The following PCBP3 variants were observed in gnomAD, a reference collection of about 807,000 sequenced individuals.
PCBP3 encodes the protein poly(rC)-binding protein 3.
Under a neutral mutation model 52.7 loss-of-function variants are expected in PCBP3, and 25 were observed. That is an observed-to-expected ratio of 0.47 (90% confidence interval 0.35 to 0.66). The LOEUF is 0.66. PCBP3 is among the 30% of genes least tolerant of loss of function. The probability of loss-of-function intolerance (pLI) is 0.01; values close to 1 mark genes in which losing one functional copy is unlikely to be tolerated. For missense variants in PCBP3, 391 were observed against 490.3 expected (o/e 0.80, Z 1.91); for synonymous variants, 162 against 183.0 (o/e 0.89, Z 0.93).
At chr21:45,722,935 A>AC (rs998496397) in intron 2 of PCBP3, among the ~76,000 whole-genome samples, 2 of 151,418 alleles carry the variant, frequency 1.3e-5, no homozygotes, top group Admixed American at 6.6e-5. Context: ...AATCACTTGA[A>AC]CCCGGGAGGT....
At chr21:45,710,480 T>A (rs536237472) in intron 2 of PCBP3, among the ~76,000 whole-genome samples, 1 of 152,338 alleles carries the variant, frequency 6.6e-6, no homozygotes, top group African/African-American at 2.4e-5. Flanking sequence ...AGAAAGGACA[T>A]GAACTCATCA....
chr21:45,675,815 A>G (rs576194233), intron 2 of PCBP3, among the ~76,000 whole-genome samples: 1 of 152,358 alleles, frequency 6.6e-6, no homozygotes, highest in Admixed American at 6.5e-5. Flanking sequence ...AAGCAATGGC[A>G]GGTGCTTTGA....
At chr21:45,899,575 T>C in intron 6 of PCBP3, 24 bp from the exon 7 acceptor site, 1 of 1,601,940 alleles carries the variant, frequency 6.2e-7, no homozygotes, top group Non-Finnish European at 8.6e-7. Flanking sequence ...ACATCATCTT[T>C]CTGTGATTTT....
chr21:45,753,989 G>A (rs1255809320), intron 3 of PCBP3, among the ~76,000 whole-genome samples: 3 of 151,982 alleles, frequency 2.0e-5, no homozygotes, highest in South Asian at 2.1e-4. Context: ...AAAATGCATC[G>A]TGGTGAGAAT....
chr21:45,715,403 A>G (rs901640257), intron 2 of PCBP3, among the ~76,000 whole-genome samples: 2 of 152,240 alleles, frequency 1.3e-5, no homozygotes, highest in East Asian at 3.8e-4. Flanking sequence ...ATTAAAGCGT[A>G]CAAGTGAGTA....
chr21:45,803,231 CA>C (rs1346015733), intron 4 of PCBP3, among the ~76,000 whole-genome samples: 4 of 152,324 alleles, frequency 2.6e-5, no homozygotes, highest in East Asian at 3.9e-4. Flanking sequence ...GGGTAGTGGC[CA>C]TGCAAGGGTA....
At position 45,935,288 on chromosome 21, in the gene PCBP3, C is replaced by T; in HGVS notation, c.892C>T (p.Leu298Phe). 3.1e-6 allele frequency: 5 copies of T among 1,612,988 alleles called. No homozygotes were observed. The highest frequency in any genetic ancestry group is 1.3e-5 in the African/African-American group (1 of 75,014). Residue 298 changes from leucine to phenylalanine, a missense_variant, in exon 16 of 18, where the codon CTC becomes TTC. Coordinates refer to ENST00000681687, the MANE Select transcript of PCBP3 (RefSeq NM_001384156.1). ...CAGCCCACCGGCCAGCACTCATGAG[C>T]TCACCATTCCCAATGATGTGAGTAT... The part of the protein sequence containing the change: ...DASPPASTHE[L>F]TIPNDLIGCI...
chr21:45,747,104 T>G (rs530312717), intron 3 of PCBP3, among the ~76,000 whole-genome samples: 1 of 152,200 alleles, frequency 6.6e-6, no homozygotes, highest in African/African-American at 2.4e-5. Flanking sequence ...CAGTTCCACA[T>G]GGCTGGGGAG....
chr21:45,661,369 AT>A (rs2080379536), intron 1 of PCBP3, among the ~76,000 whole-genome samples: 1 of 151,980 alleles, frequency 6.6e-6, no homozygotes, highest in African/African-American at 2.4e-5. Context: ...ATGTGTATAT[AT>A]TACTTAGCTC....
At chr21:45,705,399 C>T (rs1295252069) in intron 2 of PCBP3, among the ~76,000 whole-genome samples, 1 of 152,230 alleles carries the variant, frequency 6.6e-6, no homozygotes, top group Non-Finnish European at 1.5e-5. Context: ...GACACCAGGG[C>T]TGGGACAAGC....
At chr21:45,782,905 G>A (rs2090752142) in intron 4 of PCBP3, among the ~76,000 whole-genome samples, 1 of 152,236 alleles carries the variant, frequency 6.6e-6, no homozygotes, top group South Asian at 2.1e-4. Flanking sequence ...TCGCTGAGTG[G>A]AACTGCTGTG....
chr21:45,884,370 CTTTT>C (rs924516679), intron 5 of PCBP3, among the ~76,000 whole-genome samples: 1 of 151,830 alleles, frequency 6.6e-6, no homozygotes, highest in African/African-American at 2.4e-5. Flanking sequence ...GTATGGCTTT[CTTTT>C]TTAGTGCTTG....
At chr21:45,792,362 G>C (rs1203978896) in intron 4 of PCBP3, among the ~76,000 whole-genome samples, 1 of 152,268 alleles carries the variant, frequency 6.6e-6, no homozygotes, top group Non-Finnish European at 1.5e-5. Context: ...GCGTCTGGCA[G>C]TGATGAAGGT....
At chr21:45,758,782 T>G (rs1431291844) in intron 4 of PCBP3, among the ~76,000 whole-genome samples, 1 of 152,126 alleles carries the variant, frequency 6.6e-6, no homozygotes, top group Admixed American at 6.5e-5. Flanking sequence ...GGATGTTGAT[T>G]AGAGATGGTG....
intron 3 of PCBP3, among the ~76,000 whole-genome samples, chr21:45,745,512 C>T (rs549349418): frequency 6.6e-6 from 1 of 152,290 alleles, no homozygotes; most frequent in African/African-American, 2.4e-5. Context: ...GGAAGGAACC[C>T]AGATGCACCT....
chr21:45,764,431 A>G (rs952727317), intron 4 of PCBP3, among the ~76,000 whole-genome samples: 10 of 152,204 alleles, frequency 6.6e-5, no homozygotes, highest in Non-Finnish European at 1.5e-4. Context: ...CAGTAATACA[A>G]AGTTTCTTGA....
Position 45,901,717 on chromosome 21 carries a change from G to GAGAT in PCBP3, c.339+607_339+608insTAGA, listed in dbSNP as rs56827471. On this transcript the variant is annotated intron_variant, in intron 9 of 17. Coordinates refer to ENST00000681687, the MANE Select transcript of PCBP3 (RefSeq NM_001384156.1). The stretch of plus-strand genomic sequence containing the variant: ...TGAGAGAGAGAGAGGAAGACAGAGA[G>GAGAT]AGAGAGATGAGAGAGAGAGAGACAG... 1.7e-3 allele frequency: 213 copies of GAGAT among 127,550 alleles called. 2 individuals carry two copies. Among genetic ancestry groups the GAGAT allele is most frequent in the African/African-American group, 5.4e-3 (182 of 33,620 alleles). The allele number at this position is 127,550 out of a possible 1,614,324, so 7.9% of individuals were successfully genotyped here. A position where few individuals can be genotyped will look rare whatever the true frequency, so the allele number is the denominator to read the frequency against.
intron 4 of PCBP3, among the ~76,000 whole-genome samples, chr21:45,770,622 GC>G (rs2089785719): frequency 6.6e-6 from 1 of 152,202 alleles, no homozygotes; most frequent in Non-Finnish European, 1.5e-5. Flanking sequence ...TCTGCTGTGA[GC>G]CCTCATTTTT....
intron 5 of PCBP3, among the ~76,000 whole-genome samples, chr21:45,862,215 T>C (rs1330250960): frequency 6.6e-6 from 1 of 151,788 alleles, no homozygotes; most frequent in East Asian, 1.9e-4. Flanking sequence ...ATTTAAATCA[T>C]AGCAACAAAC....
Sources: gnomAD v4.1 joint callset for allele counts (sites outside exome capture counted in the v4.1 genomes callset) on GRCh38, gnomAD v4.1.1 for gene constraint, MANE v1.5 for transcripts, NCBI Gene and HGNC (gene_info 2026-07-23, HGNC 2026-07-21) for gene names.